USP34: variants seen among roughly 807,000 people sequenced by gnomAD.
USP34 encodes the protein ubiquitin specific peptidase 34.
USP34 carries 70 observed loss-of-function variants against 460.3 expected under a neutral mutation model. The ratio of observed to expected loss-of-function variants is 0.15; its 90% CI spans 0.13 to 0.19. The LOEUF (loss-of-function observed/expected upper bound fraction) is 0.19, where lower values mean the gene tolerates loss of function less well. USP34 is among the 10% of genes least tolerant of loss of function. The pLI is 1.00. For synonymous variants in USP34, 1,647 were observed against 1,405.3 expected (o/e 1.17, Z -3.85); for missense variants, 3,985 against 4,236.2 (o/e 0.94, Z 1.65).
chr2:61,411,765 C>G (rs971480135), intron 2 of USP34, among the ~76,000 whole-genome samples: 6 of 152,170 alleles, frequency 3.9e-5, no homozygotes, highest in Non-Finnish European at 7.3e-5. Context: ...TGGCCAACAT[C>G]TGAGATGCCC....
intron 15 of USP34, among the ~76,000 whole-genome samples, chr2:61,346,776 G>C (rs527729703): frequency 4.3e-5 from 6 of 140,114 alleles, no homozygotes; most frequent in Non-Finnish European, 9.0e-5. Context: ...AGGTTGCAGT[G>C]AGCCAAGATT....
In USP34 at chr2:61,235,878, C is replaced by T. The variant is rs1043166354; in HGVS notation, c.6999G>A (p.Thr2333=). The T allele has an allele frequency of 3.7e-6, 6 of 1,613,588 alleles. No homozygotes were observed. The highest frequency in any genetic ancestry group is 3.3e-5 in the Admixed American group (2 of 59,936). ...CTGCCTGACTATTATTAAACTGTTT[C>T]GTCAACAGTTCAATCCACTGAAGCA... The part of the protein sequence containing the change: ...PTMLQWIELL[T]KQFNNSQAAC... Residue 2333 remains threonine, a synonymous_variant, in exon 57 of 80, where the codon ACG becomes ACA. Transcript: ENST00000398571.
intron 1 of USP34, among the ~76,000 whole-genome samples, chr2:61,440,447 C>T (rs752035606): frequency 6.6e-6 from 1 of 152,008 alleles, no homozygotes; most frequent in Admixed American, 6.6e-5. Context: ...AAGGAACTTG[C>T]TCTGCTGCAG....
chr2:61,222,568 A>G (rs1473641551), intron 65 of USP34, 51 bp downstream of exon 65: 2 of 1,440,132 alleles, frequency 1.4e-6, no homozygotes, highest in Admixed American at 3.5e-5. Flanking sequence ...TGAAAGCATT[A>G]GCAGTGCTGA....
At chr2:61,269,773 T>C (rs1356369747) in intron 41 of USP34, among the ~76,000 whole-genome samples, 3 of 152,194 alleles carry the variant, frequency 2.0e-5, no homozygotes, top group East Asian at 3.9e-4. Flanking sequence ...GGCTCCTGTT[T>C]TTACAATTAT....
At chr2:61,350,949 G>A (rs1291587025) in intron 10 of USP34, among the ~76,000 whole-genome samples, 11 of 152,190 alleles carry the variant, frequency 7.2e-5, no homozygotes, top group East Asian at 1.9e-4. Context: ...AAGGCTGGGC[G>A]TGGTGGCTGA....
chr2:61,189,483 ATT>A (rs10541834), intron 78 of USP34: 91,368 of 154,952 alleles, frequency 0.59, 26,972 homozygotes, highest in Middle Eastern at 0.69. Context: ...CATGTTGGCC[ATT>A]GAGATGGTCT....
intron 75 of USP34, among the ~76,000 whole-genome samples, chr2:61,202,002 C>T (rs1686990475): frequency 6.6e-6 from 1 of 152,142 alleles, no homozygotes; most frequent in African/African-American, 2.4e-5. Context: ...TATTCTCATC[C>T]CCCTACATCT....
chr2:61,311,928 C>G lies in USP34; in HGVS notation c.3543-18G>C. On this transcript the variant is annotated intron_variant, in intron 25 of 79. Transcript: ENST00000398571. ...ATGCAAACCTAAAACATGACACAAACAACACATAGAAAGGATACCATTTTA... is the reference window on the plus strand; with the variant it reads ...ATGCAAACCTAAAACATGACACAAAGAACACATAGAAAGGATACCATTTTA... The G allele has an allele frequency of 6.2e-7, 1 of 1,609,856 alleles. No homozygotes were observed. The highest frequency in any genetic ancestry group is 1.1e-5 in the South Asian group (1 of 90,370).
At chr2:61,279,542 AC>A (rs749947529) in intron 39 of USP34, among the ~76,000 whole-genome samples, 18 of 152,032 alleles carry the variant, frequency 1.2e-4, no homozygotes, top group Non-Finnish European at 4.4e-5. Context: ...CAGCTCACTG[AC>A]TGCAACCTCT....
chr2:61,315,029 A>C, intron 23 of USP34, 55 bp from the exon 24 acceptor site: 9 of 1,345,170 alleles, frequency 6.7e-6, no homozygotes, highest in East Asian at 2.3e-5. Flanking sequence ...TATGTAACTC[A>C]TTAAGACTGA....
At chr2:61,252,389 T>TAGCAGCAGC (rs3980947) in intron 48 of USP34, among the ~76,000 whole-genome samples, 4 of 151,576 alleles carry the variant, frequency 2.6e-5, no homozygotes, top group African/African-American at 9.7e-5. Flanking sequence ...ACAGTAACAA[T>TAGCAGCAGC]AGCAGCAGCA....
chr2:61,249,489 G>T (rs1469812421), intron 48 of USP34, among the ~76,000 whole-genome samples: 1 of 152,204 alleles, frequency 6.6e-6, no homozygotes, highest in African/African-American at 2.4e-5. Context: ...AATATTTTCA[G>T]ACCTTGCCTG....
intron 8 of USP34, among the ~76,000 whole-genome samples, chr2:61,375,065 A>G (rs1411539023): frequency 6.6e-6 from 1 of 152,222 alleles, no homozygotes; most frequent in African/African-American, 2.4e-5. Flanking sequence ...ACATTAAGCC[A>G]TAAAACACAA....
At chr2:61,412,344 A>C (rs1219944986) in intron 2 of USP34, among the ~76,000 whole-genome samples, 1 of 152,094 alleles carries the variant, frequency 6.6e-6, no homozygotes, top group Admixed American at 6.5e-5. Context: ...TACGTTACTG[A>C]AATAAGAATG....
intron 8 of USP34, among the ~76,000 whole-genome samples, chr2:61,372,299 A>G (rs1359110903): frequency 6.6e-6 from 1 of 152,158 alleles, no homozygotes; most frequent in East Asian, 1.9e-4. Flanking sequence ...AACTAGGTAT[A>G]TTTTACCTAT....
At chr2:61,399,079 G>A (rs971325606) in intron 3 of USP34, among the ~76,000 whole-genome samples, 1 of 152,130 alleles carries the variant, frequency 6.6e-6, no homozygotes. Flanking sequence ...CTAACGGCCG[G>A]TGCAGTGGCT....
chr2:61,403,646 AAC>A (rs1693783503), intron 3 of USP34, among the ~76,000 whole-genome samples: 2 of 152,256 alleles, frequency 1.3e-5, no homozygotes, highest in Non-Finnish European at 2.9e-5. Context: ...TCTGCTTTTA[AAC>A]ACTCTTTCTC....
At chr2:61,411,792 C>T (rs530322365) in intron 2 of USP34, among the ~76,000 whole-genome samples, 151 of 152,254 alleles carry the variant, frequency 9.9e-4, no homozygotes, top group Non-Finnish European at 1.7e-3. Flanking sequence ...CAGAGGCCTT[C>T]AAATTCACTT....
Sources: allele counts gnomAD v4.1 joint callset (sites outside exome capture counted in the v4.1 genomes callset), GRCh38; gene constraint gnomAD v4.1.1; transcripts MANE v1.5; gene names NCBI Gene and HGNC (gene_info 2026-07-23, HGNC 2026-07-21).